The following ZFHX3 variants were observed in gnomAD, a reference collection of about 807,000 sequenced individuals.
The protein encoded by ZFHX3 is zinc finger homeobox 3.
ZFHX3 carries 42 observed loss-of-function variants against 279.1 expected under a neutral mutation model. The observed-to-expected ratio is 0.15, with a 90% confidence interval of 0.12 to 0.19. The LOEUF (loss-of-function observed/expected upper bound fraction) is 0.19. Ranked by LOEUF, ZFHX3 falls within the 10% of genes least tolerant of loss-of-function variation. The probability of loss-of-function intolerance (pLI) is 1.00; values close to 1 mark genes in which losing one functional copy is unlikely to be tolerated. For missense variants in ZFHX3, 4,981 were observed against 4,754.0 expected, an observed-to-expected ratio of 1.05 and a Z score of -1.40; for synonymous variants, 2,293 against 1,957.8, an observed-to-expected ratio of 1.17 and a Z score of -4.52.
chr16:73,199,453 G>A (rs1968223067), intron 5 of ZFHX3, among the ~76,000 whole-genome samples: 1 of 152,212 alleles, frequency 6.6e-6, no homozygotes, highest in South Asian at 2.1e-4. Context: ...CGGTTTTATA[G>A]GAATGCATCA....
chr16:73,669,010 G>C (rs1437788342), intron 2 of ZFHX3, among the ~76,000 whole-genome samples: 2 of 149,694 alleles, frequency 1.3e-5, no homozygotes, highest in Non-Finnish European at 3.0e-5. Flanking sequence ...ATTTTCTTTT[G>C]TTTCTTTCTT....
chr16:72,955,526 C>T (rs144617882), intron 2 of ZFHX3, among the ~76,000 whole-genome samples: 3,899 of 152,262 alleles, frequency 0.026, 183 homozygotes, highest in African/African-American at 0.089. Flanking sequence ...TGCCTGTAAT[C>T]CCAGCACTTT....
At chr16:72,872,010 G>A (rs568318910) in intron 4 of ZFHX3, among the ~76,000 whole-genome samples, 50 of 152,126 alleles carry the variant, frequency 3.3e-4, no homozygotes, top group Admixed American at 1.3e-3. Context: ...GCATGAACCC[G>A]GGAGTCGGAG....
chr16:73,836,535 G>C (rs1386164083), intron 1 of ZFHX3, among the ~76,000 whole-genome samples: 1 of 152,132 alleles, frequency 6.6e-6, no homozygotes, highest in African/African-American at 2.4e-5. Flanking sequence ...TAGAGCTATT[G>C]ACAATGTTCT....
rs574924486 is a variant in ZFHX3, at chr16:73,224,415, C to T, written c.-1104+32632G>A. Among the ~76,000 whole-genome samples the T allele has an allele frequency of 5.7e-4, 87 of 152,264 alleles. 1 individual carries two copies. The highest frequency in any genetic ancestry group is 2.0e-3 in the African/African-American group (82 of 41,552). On this transcript the variant is annotated intron_variant, in intron 5 of 17. Transcript: ENST00000641206. ...AGTTGGAGGTTTTTCTTGTTCAAAC[C>T]AGCTACCATATTATGTGGTTATATT...
chr16:72,794,654 G>A lies in ZFHX3; in HGVS notation c.8028C>T (p.His2676=), dbSNP rs771903702. ...PTRKMLDHIA[H]EVGLKKRVVQ... ...CCACACGTTTCTTCAAGCCCACCTCGTGTGCAATGTGATCCAACATCTTTC... is the reference window on the plus strand; with the variant it reads ...CCACACGTTTCTTCAAGCCCACCTCATGTGCAATGTGATCCAACATCTTTC... Residue 2676 remains histidine, a synonymous_variant, in exon 9 of 10, where the codon CAC becomes CAT. Coordinates refer to ENST00000268489, the MANE Select transcript of ZFHX3 (RefSeq NM_006885.4). The surrounding 1 kb of genome is among the most constrained non-coding windows in gnomAD (Gnocchi z 4.2). The A allele has an allele frequency of 2.7e-5, 44 of 1,614,070 alleles. No homozygotes were observed. The highest frequency in any genetic ancestry group is 3.4e-5 in the Non-Finnish European group (40 of 1,180,048).
chr16:73,182,863 T>A (rs539261214), intron 5 of ZFHX3, among the ~76,000 whole-genome samples: 1 of 119,864 alleles, frequency 8.3e-6, no homozygotes, highest in South Asian at 2.7e-4. Flanking sequence ...CAGATTACAA[T>A]CACAGACACT....
Position 73,430,248 on chromosome 16 carries a change from A to G in ZFHX3, c.-1291+25755T>C, listed in dbSNP as rs1340696185. Reference sequence around the variant, plus strand: ...CTGCCTTGGCTTGAGGTTGCCAGGTACACTAGAATGCCCAGTGCCATTTGC... The same window carrying G: ...CTGCCTTGGCTTGAGGTTGCCAGGTGCACTAGAATGCCCAGTGCCATTTGC... On this transcript the variant is annotated intron_variant, in intron 3 of 17. Coordinates refer to the ZFHX3 transcript ENST00000641206. Among the ~76,000 whole-genome samples the G allele has an allele frequency of 3.3e-5, 5 of 152,164 alleles. No individual in the cohort carries two copies. In the East Asian group the frequency reaches 9.6e-4, roughly 29 times the overall value.
At chr16:73,873,139 T>C (rs868060436) in intron 1 of ZFHX3, among the ~76,000 whole-genome samples, 2 of 35,236 alleles carry the variant, frequency 5.7e-5, no homozygotes, top group African/African-American at 1.3e-4. Flanking sequence ...ATGGTGGTGG[T>C]GGTGGGTGGT....
At chr16:73,755,396 C>T (rs562349748) in intron 1 of ZFHX3, among the ~76,000 whole-genome samples, 2 of 152,310 alleles carry the variant, frequency 1.3e-5, no homozygotes, top group East Asian at 3.9e-4. Flanking sequence ...ACTCTATAAT[C>T]TATCCTCTTA....
At chr16:73,074,730 G>A (rs1007297154) in intron 8 of ZFHX3, among the ~76,000 whole-genome samples, 8 of 151,722 alleles carry the variant, frequency 5.3e-5, no homozygotes, top group African/African-American at 9.7e-5. Flanking sequence ...GGATCAGATC[G>A]CATTGAAACA....
At chr16:72,881,056 A>G (rs2038453965) in intron 4 of ZFHX3, among the ~76,000 whole-genome samples, 1 of 152,218 alleles carries the variant, frequency 6.6e-6, no homozygotes, top group South Asian at 2.1e-4. Flanking sequence ...AAAAAATATT[A>G]AGGAAAATGT....
At chr16:72,828,898 C>T (rs891135876) in intron 5 of ZFHX3, among the ~76,000 whole-genome samples, 1 of 152,020 alleles carries the variant, frequency 6.6e-6, no homozygotes, top group African/African-American at 2.4e-5. Context: ...ACCACGTTGC[C>T]CAGGCTGGTC....
intron 1 of ZFHX3, among the ~76,000 whole-genome samples, chr16:73,837,101 C>T (rs1367828569): frequency 2.6e-5 from 4 of 152,186 alleles, no homozygotes; most frequent in Non-Finnish European, 4.4e-5. Context: ...TACAGCAACA[C>T]ACAATAGAGT....
chr16:73,865,535 G>A (rs1350797904), intron 1 of ZFHX3, among the ~76,000 whole-genome samples: 1 of 152,080 alleles, frequency 6.6e-6, no homozygotes, highest in African/African-American at 2.4e-5. Context: ...ATAGTTTCTT[G>A]GCTTTGTTCA....
intron 3 of ZFHX3, among the ~76,000 whole-genome samples, chr16:72,894,683 C>T (rs1044418478): frequency 5.3e-5 from 8 of 152,180 alleles, no homozygotes; most frequent in Non-Finnish European, 1.2e-4. Flanking sequence ...ATTGGGATCA[C>T]AATGTATTTA....
At chr16:73,060,492 G>GTGTC (rs935190337), upstream of ZFHX3, 1 of 151,898 alleles carries the variant, frequency 6.6e-6, no homozygotes, top group Admixed American at 6.6e-5. Context: ...ACAAGAGTCA[G>GTGTC]TGTCTGTCTG....
intron 7 of ZFHX3, among the ~76,000 whole-genome samples, chr16:73,107,716 C>T (rs1245763757): frequency 1.3e-5 from 2 of 152,196 alleles, no homozygotes; most frequent in African/African-American, 4.8e-5. Flanking sequence ...CACAGGTTTT[C>T]AATCAAGAAT....
intron 5 of ZFHX3, among the ~76,000 whole-genome samples, chr16:73,245,922 C>T (rs1434506096): frequency 6.6e-6 from 1 of 152,062 alleles, no homozygotes; most frequent in Non-Finnish European, 1.5e-5. Flanking sequence ...AGGGTTGAGT[C>T]CTTGGGCGTG....
Sources: gnomAD v4.1 joint callset for allele counts (sites outside exome capture counted in the v4.1 genomes callset) on GRCh38, gnomAD v4.1.1 for gene constraint, Gnocchi (gnomAD v3.1) non-coding constraint, MANE v1.5 for transcripts, NCBI Gene and HGNC (gene_info 2026-07-23, HGNC 2026-07-21) for gene names.